The following CACNB2 variants were observed in gnomAD, a reference collection of about 807,000 sequenced individuals.
CACNB2 encodes calcium voltage-gated channel auxiliary subunit beta 2.
CACNB2 carries 42 observed loss-of-function variants against 73.3 expected under a neutral mutation model. That is an observed-to-expected ratio of 0.57 (90% CI 0.45 to 0.74). CACNB2 has a LOEUF of 0.74. CACNB2 is among the 30% of genes least tolerant of loss of function. CACNB2 has a pLI of 0.00. For missense variants in CACNB2, 940 were observed against 853.0 expected, an observed-to-expected ratio of 1.10 and a Z score of -1.27; for synonymous variants, 348 against 310.3, an observed-to-expected ratio of 1.12 and a Z score of -1.28.
chr10:18,439,002 G>A (rs1276324189), intron 3 of CACNB2, among the ~76,000 whole-genome samples: 1 of 152,216 alleles, frequency 6.6e-6, no homozygotes, highest in African/African-American at 2.4e-5. Flanking sequence ...GAAGGTCATC[G>A]GGGAGAAAAT....
At chr10:18,328,812 G>C (rs2040684467) in intron 2 of CACNB2, among the ~76,000 whole-genome samples, 1 of 152,172 alleles carries the variant, frequency 6.6e-6, no homozygotes, top group Non-Finnish European at 1.5e-5. Flanking sequence ...CGTAACCCTA[G>C]GTCAGAGATT....
intron 2 of CACNB2, among the ~76,000 whole-genome samples, chr10:18,357,337 A>T (rs1399031797): frequency 6.6e-6 from 1 of 152,196 alleles, no homozygotes; most frequent in Non-Finnish European, 1.5e-5. Context: ...ACAAATTTTT[A>T]AAAACCATTT....
intron 2 of CACNB2, among the ~76,000 whole-genome samples, chr10:18,345,458 C>G (rs888508100): frequency 2.6e-5 from 4 of 152,246 alleles, no homozygotes; most frequent in Non-Finnish European, 5.9e-5. Flanking sequence ...ATTAGGCTTC[C>G]TGCATTTAGA....
At chr10:18,438,384 T>C (rs1388457465) in intron 3 of CACNB2, among the ~76,000 whole-genome samples, 1 of 152,122 alleles carries the variant, frequency 6.6e-6, no homozygotes, top group Non-Finnish European at 1.5e-5. Context: ...CCATTTGCTC[T>C]GAACCCTGGA....
intron 2 of CACNB2, among the ~76,000 whole-genome samples, chr10:18,296,373 T>C (rs148002549): frequency 6.6e-6 from 1 of 152,292 alleles, no homozygotes; most frequent in African/African-American, 2.4e-5. Flanking sequence ...CAGGAAATCA[T>C]AGTGTGTCTG....
chr10:18,216,818 G>T (rs2035531297), intron 2 of CACNB2, among the ~76,000 whole-genome samples: 1 of 152,072 alleles, frequency 6.6e-6, no homozygotes, highest in South Asian at 2.1e-4. Flanking sequence ...TTCCTTAAAA[G>T]CAAGCATAAA....
chr10:18,500,128 C>A (rs1474756764), intron 4 of CACNB2, among the ~76,000 whole-genome samples: 2 of 152,146 alleles, frequency 1.3e-5, no homozygotes, highest in Non-Finnish European at 2.9e-5. Flanking sequence ...TATGAGGTCT[C>A]TTCTTGATGA....
chr10:18,475,697 C>T (rs1011414747), intron 3 of CACNB2, among the ~76,000 whole-genome samples: 3 of 152,150 alleles, frequency 2.0e-5, no homozygotes, highest in African/African-American at 7.2e-5. Flanking sequence ...AGGAAAGATC[C>T]TCTGAAACTT....
At chr10:18,301,629 A>G (rs139708810) in intron 2 of CACNB2, among the ~76,000 whole-genome samples, 3,068 of 146,890 alleles carry the variant, frequency 0.021, 53 homozygotes, top group Non-Finnish European at 0.027. Flanking sequence ...AGGTAAATCC[A>G]CTAAGCCTTT....
intron 3 of CACNB2, among the ~76,000 whole-genome samples, chr10:18,425,571 G>T (rs917595050): frequency 6.6e-6 from 1 of 152,144 alleles, no homozygotes; most frequent in African/African-American, 2.4e-5. Context: ...GGGAGGCTGA[G>T]TTGGGGGGGT....
chr10:18,353,709 C>T (rs1018906480), intron 2 of CACNB2, among the ~76,000 whole-genome samples: 2 of 152,092 alleles, frequency 1.3e-5, no homozygotes, highest in East Asian at 3.9e-4. Context: ...CATGGCAATC[C>T]AATTTGAGAG....
chr10:18,457,479 C>T (rs2047342422), intron 3 of CACNB2, among the ~76,000 whole-genome samples: 1 of 152,208 alleles, frequency 6.6e-6, no homozygotes, highest in South Asian at 2.1e-4. Context: ...TTAAGTTCCT[C>T]CCACATAGCA....
intron 2 of CACNB2, among the ~76,000 whole-genome samples, chr10:18,240,972 C>T (rs1378444310): frequency 2.0e-5 from 3 of 152,132 alleles, no homozygotes; most frequent in Non-Finnish European, 4.4e-5. Context: ...TTTTACAATG[C>T]CACTTAGGAC....
chr10:18,209,830 C>G (rs991282661), intron 2 of CACNB2, among the ~76,000 whole-genome samples: 2 of 151,884 alleles, frequency 1.3e-5, no homozygotes, highest in African/African-American at 4.8e-5. Context: ...ATAGGACAAA[C>G]CAAACGTAGT....
intron 5 of CACNB2, among the ~76,000 whole-genome samples, chr10:18,503,488 T>G (rs533631932): frequency 6.6e-6 from 1 of 152,246 alleles, no homozygotes; most frequent in East Asian, 1.9e-4. Flanking sequence ...CCCAGCTACT[T>G]GGGAGCCTGA....
chr10:18,183,081 C>T (rs969081651), intron 2 of CACNB2, among the ~76,000 whole-genome samples: 10 of 151,990 alleles, frequency 6.6e-5, no homozygotes, highest in African/African-American at 2.4e-4. Flanking sequence ...TTGGAATCCT[C>T]ATTTTGCAGC....
In CACNB2 at chr10:18,524,711, C is replaced by T. The variant is rs549932953; in HGVS notation, c.945-2877C>T. Among the ~76,000 whole-genome samples, 5 of 144,302 alleles carry T rather than the reference C, an allele frequency of 3.5e-5. No individual in the cohort carries two copies. In the East Asian group the frequency reaches 1.1e-3, roughly 30 times the overall value. The allele number at this position is 144,302 out of a possible 152,430, so 94.7% of individuals were successfully genotyped here. On this transcript the variant is annotated intron_variant, in intron 9 of 13. Coordinates refer to ENST00000324631, the MANE Select transcript of CACNB2 (RefSeq NM_201596.3). Reference sequence around the variant, plus strand: ...AAAAAGTTGTTTATCTCATGGAAACCACGAGGAAAATACACAAGAAAAAGT... The same window carrying T: ...AAAAAGTTGTTTATCTCATGGAAACTACGAGGAAAATACACAAGAAAAAGT...
intron 2 of CACNB2, among the ~76,000 whole-genome samples, chr10:18,191,676 G>A (rs1470182799): frequency 1.3e-5 from 2 of 152,140 alleles, no homozygotes; most frequent in Non-Finnish European, 2.9e-5. Flanking sequence ...ACATATCAGT[G>A]AGAACATACA....
At chr10:18,156,743 T>TG (rs771730686) in intron 2 of CACNB2, among the ~76,000 whole-genome samples, 11 of 152,060 alleles carry the variant, frequency 7.2e-5, no homozygotes, top group Non-Finnish European at 1.5e-4. Context: ...AAAAGTTAAC[T>TG]GTGGGCTGGG....
Sources: gnomAD v4.1 joint callset for allele counts (sites outside exome capture counted in the v4.1 genomes callset) on GRCh38, gnomAD v4.1.1 for gene constraint, MANE v1.5 for transcripts, NCBI Gene and HGNC (gene_info 2026-07-23, HGNC 2026-07-21) for gene names.